Variants in GALNTL6 observed in about 807,000 individuals in gnomAD.
The protein encoded by GALNTL6 is polypeptide N-acetylgalactosaminyltransferase-like 6.
In GALNTL6, 46 loss-of-function variants were observed where a neutral mutation model predicts 73.7. That is an observed-to-expected ratio of 0.62 (90% CI 0.49 to 0.80). GALNTL6 has a LOEUF of 0.80. Ranked by LOEUF, GALNTL6 falls within the 30% of genes least tolerant of loss-of-function variation. The pLI, the probability that GALNTL6 is intolerant of heterozygous loss-of-function variation, is 0.00. For missense variants in GALNTL6, 604 were observed against 755.0 expected (o/e 0.80, Z 2.34); for synonymous variants, 259 against 263.7 (o/e 0.98, Z 0.17).
chr4:171,976,174 C>T (rs112510358), intron 2 of GALNTL6, among the ~76,000 whole-genome samples: 91 of 152,310 alleles, frequency 6.0e-4, no homozygotes, highest in African/African-American at 1.9e-3. Flanking sequence ...TCTTCCACCT[C>T]GACCTCCCAA....
At chr4:172,031,769 G>T (rs1180276455) in intron 2 of GALNTL6, among the ~76,000 whole-genome samples, 1 of 151,878 alleles carries the variant, frequency 6.6e-6, no homozygotes, top group Non-Finnish European at 1.5e-5. Flanking sequence ...AAGGAAATGA[G>T]ATTCTGTTCA....
At chr4:171,989,423 G>T (rs900237460) in intron 2 of GALNTL6, among the ~76,000 whole-genome samples, 11 of 152,310 alleles carry the variant, frequency 7.2e-5, no homozygotes, top group Non-Finnish European at 1.5e-4. Flanking sequence ...TACACAGATG[G>T]GATACGGCTT....
intron 2 of GALNTL6, among the ~76,000 whole-genome samples, chr4:172,211,571 A>T (rs888640782): frequency 3.9e-5 from 6 of 152,204 alleles, no homozygotes; most frequent in African/African-American, 1.4e-4. Flanking sequence ...TATGTGCAGA[A>T]GCATCAGAAT....
At chr4:171,888,178 C>T (rs978743253) in intron 2 of GALNTL6, among the ~76,000 whole-genome samples, 2 of 151,684 alleles carry the variant, frequency 1.3e-5, no homozygotes, top group South Asian at 2.1e-4. Context: ...TGAACCTAAA[C>T]GTCAGTGAGA....
At chr4:171,965,069 C>T (rs888449229) in intron 2 of GALNTL6, among the ~76,000 whole-genome samples, 1 of 152,178 alleles carries the variant, frequency 6.6e-6, no homozygotes, top group Non-Finnish European at 1.5e-5. Flanking sequence ...CTGGGGAGTC[C>T]AAACTATAAC....
chr4:173,002,912 A>G (rs1752112116), intron 10 of GALNTL6, among the ~76,000 whole-genome samples: 1 of 152,184 alleles, frequency 6.6e-6, no homozygotes, highest in Non-Finnish European at 1.5e-5. Context: ...GGTTCCATTT[A>G]TATGAGGTTT....
At chr4:172,346,988 C>CTTTTTTTTTTTTTTTTTTTTTT (rs34332250) in intron 4 of GALNTL6, among the ~76,000 whole-genome samples, 2 of 114,410 alleles carry the variant, frequency 1.7e-5, no homozygotes, top group African/African-American at 6.9e-5. Context: ...TGTTTTCTTT[C>CTTTTTTTTTTTTTTTTTTTTTT]TTTTTTTTTT....
chr4:172,142,344 A>G (rs1733823624), intron 2 of GALNTL6, among the ~76,000 whole-genome samples: 1 of 152,074 alleles, frequency 6.6e-6, no homozygotes, highest in Non-Finnish European at 1.5e-5. Context: ...AAAGGTCTAC[A>G]TGCATATCAT....
chr4:172,198,901 G>A (rs1735867144), intron 2 of GALNTL6, among the ~76,000 whole-genome samples: 1 of 151,956 alleles, frequency 6.6e-6, no homozygotes, highest in Non-Finnish European at 1.5e-5. Flanking sequence ...TGGCTATTTA[G>A]TACTTCACTT....
rs139421054 is a variant in GALNTL6, at chr4:172,323,074, A to G, written c.386+11322A>G. On this transcript the variant is annotated intron_variant, in intron 4 of 12. Transcript: ENST00000506823. ...GCTTCATGAGCACATGGCTGCAGGA[A>G]CACAACAAATTATTTCATCCTTTAG... 2.0e-3 allele frequency among the ~76,000 whole-genome samples: 304 copies of G among 152,320 alleles called. 1 individual carries two copies. The highest frequency in any genetic ancestry group is 6.9e-3 in the African/African-American group (287 of 41,580).
intron 5 of GALNTL6, among the ~76,000 whole-genome samples, chr4:172,643,297 TTTAA>T (rs1042089911): frequency 6.6e-5 from 10 of 151,944 alleles, no homozygotes; most frequent in African/African-American, 2.4e-4. Context: ...ACAACTATGA[TTTAA>T]TTAATTATAA....
chr4:171,933,897 T>C (rs1276599818), intron 2 of GALNTL6, among the ~76,000 whole-genome samples: 3 of 152,160 alleles, frequency 2.0e-5, no homozygotes. Flanking sequence ...AGTCATAAAA[T>C]TTGGAAACAC....
chr4:172,127,219 T>C (rs1326745149), intron 2 of GALNTL6, among the ~76,000 whole-genome samples: 1 of 152,246 alleles, frequency 6.6e-6, no homozygotes, highest in Non-Finnish European at 1.5e-5. Context: ...TCACAGCATG[T>C]AGGGGCCTGA....
intron 7 of GALNTL6, among the ~76,000 whole-genome samples, chr4:172,858,293 C>A (rs1744217714): frequency 6.6e-6 from 1 of 152,154 alleles, no homozygotes; most frequent in Non-Finnish European, 1.5e-5. Flanking sequence ...TGTTTGTCTT[C>A]TTGGAGCTCA....
intron 10 of GALNTL6, among the ~76,000 whole-genome samples, chr4:172,975,462 C>T (rs1750764749): frequency 6.6e-6 from 1 of 152,164 alleles, no homozygotes; most frequent in African/African-American, 2.4e-5. Flanking sequence ...CTGATTGGTC[C>T]ATGGGAGGCC....
intron 5 of GALNTL6, among the ~76,000 whole-genome samples, chr4:172,500,936 C>T (rs763642035): frequency 6.6e-6 from 1 of 152,114 alleles, no homozygotes; most frequent in Non-Finnish European, 1.5e-5. Context: ...GAAGTAAGTT[C>T]CCTATGTTTC....
intron 5 of GALNTL6, among the ~76,000 whole-genome samples, chr4:172,617,621 C>T (rs1045075436): frequency 1.6e-4 from 25 of 151,690 alleles, no homozygotes; most frequent in Admixed American, 5.9e-4. Flanking sequence ...GGACTACAGG[C>T]GCCCGCCACC....
At chr4:172,315,905 C>T (rs1265412416) in intron 4 of GALNTL6, among the ~76,000 whole-genome samples, 1 of 151,686 alleles carries the variant, frequency 6.6e-6, no homozygotes, top group Non-Finnish European at 1.5e-5. Flanking sequence ...CCTTATTTAA[C>T]TTATAGTTCA....
At chr4:172,890,087 T>A (rs1745948531) in intron 8 of GALNTL6, among the ~76,000 whole-genome samples, 1 of 152,188 alleles carries the variant, frequency 6.6e-6, no homozygotes, top group African/African-American at 2.4e-5. Context: ...GTCTGTGGAA[T>A]CCATTGTAAT....
Sources: allele counts gnomAD v4.1 joint callset (sites outside exome capture counted in the v4.1 genomes callset), GRCh38; gene constraint gnomAD v4.1.1; transcripts MANE v1.5; gene names NCBI Gene and HGNC (gene_info 2026-07-23, HGNC 2026-07-21).